Variants in MMEL1 observed in about 807,000 individuals in gnomAD.
The protein encoded by MMEL1 is membrane metallo-endopeptidase-like 1.
Under a neutral mutation model 117.1 loss-of-function variants are expected in MMEL1, and 98 were observed. The ratio of observed to expected loss-of-function variants is 0.84; its 90% CI spans 0.71 to 0.99. The LOEUF (loss-of-function observed/expected upper bound fraction) is 0.99. Ranked by LOEUF, MMEL1 falls within the 50% of genes least tolerant of loss-of-function variation. The pLI is 0.00. For missense variants in MMEL1, 1,014 were observed against 1,049.1 expected, an observed-to-expected ratio of 0.97 and a Z score of 0.46; for synonymous variants, 390 against 415.1, an observed-to-expected ratio of 0.94 and a Z score of 0.74.
chr1:2,594,429 G>A lies in MMEL1; in HGVS notation c.1703C>T (p.Ala568Val), dbSNP rs973691738. The change falls in exon 18 of 24, where the codon GCG (alanine) becomes GTG (valine). Residue 568 changes from alanine to valine, a missense_variant. Transcript: ENST00000378412. ...KVDPNLWIIG[A>V]AVVNAFYSPN... ...GGAGTAGAACGCATTGACCACCGCC[G>A]CCCCGATGATCCAGCTGTGATAGAC... 46 of 1,551,476 alleles carry A rather than the reference G, an allele frequency of 3.0e-5. No individual in the cohort carries two copies. The highest frequency in any genetic ancestry group is 1.7e-4 in the Middle Eastern group (1 of 5,950).
rs570247438 is a variant in MMEL1, at chr1:2,617,405, C to A, written c.155-5201G>T. Among the ~76,000 whole-genome samples, 8 of 122,796 alleles carry A rather than the reference C, an allele frequency of 6.5e-5. No homozygotes were observed. The East Asian group carries it at 2.0e-3, about 31-fold the overall frequency. The allele number at this position is 122,796 out of a possible 152,430, so 80.6% of individuals were successfully genotyped here. ...TCGCGCCACTGCACTCCAGCCTGGG[C>A]GACAGAGAGAGACTCCGTCTCAAAA... On this transcript the variant is annotated intron_variant, in intron 2 of 23. Transcript: ENST00000378412.
chr1:2,632,771 G>T, intron 1 of MMEL1, 95 bp downstream of exon 1: 1 of 784,440 alleles, frequency 1.3e-6, no homozygotes, highest in Non-Finnish European at 1.5e-6. Context: ...AAGGGGCTGA[G>T]CGCCTGGAGA....
intron 11 of MMEL1, among the ~76,000 whole-genome samples, chr1:2,601,910 T>C (rs995645537): frequency 7.9e-5 from 12 of 152,212 alleles, no homozygotes; most frequent in African/African-American, 2.4e-4. Flanking sequence ...GGCGAGGGTG[T>C]GGCACCAGCC....
chr1:2,611,370 G>A, intron 3 of MMEL1, 30 bp from the exon 4 acceptor site: 4 of 1,479,022 alleles, frequency 2.7e-6, no homozygotes, highest in Non-Finnish European at 2.7e-6. Context: ...TGAGCACCGG[G>A]AGCCACGGAG....
chr1:2,598,378 T>C (rs892648602), intron 12 of MMEL1, 78 bp from the exon 13 acceptor site: 6 of 1,424,594 alleles, frequency 4.2e-6, no homozygotes, highest in Non-Finnish European at 5.9e-6. Flanking sequence ...TTAGGGCCCT[T>C]GGCCAGCACG....
At chr1:2,632,599 G>T in intron 1 of MMEL1, 1 of 185,160 alleles carries the variant, frequency 5.4e-6, no homozygotes, top group Non-Finnish European at 1.2e-5. Flanking sequence ...GTCTGCTGAG[G>T]CGAAGGCACT....
rs1199613267 is a variant in MMEL1, at chr1:2,593,747, G to A, written c.1867+67C>T. 4 of 1,508,450 alleles carry A rather than the reference G, an allele frequency of 2.7e-6. No homozygotes were observed. In the East Asian group the frequency reaches 9.7e-5, roughly 37 times the overall value. 93.4% of individuals were successfully genotyped at this position (1,508,450 alleles called of 1,614,324 possible). A position where few individuals can be genotyped will look rare whatever the true frequency, so the allele number is the denominator to read the frequency against. On this transcript the variant is annotated intron_variant, in intron 19 of 23. Coordinates refer to ENST00000378412, the MANE Select transcript of MMEL1 (RefSeq NM_033467.4). ...GAAGGGGTTGAATGGAGCGCCCCCA[G>A]GCCCCTTCCTGGCTGCTTCTCCGCG...
At position 2,594,819 on chromosome 1, in the gene MMEL1, C is replaced by T. The variant is rs1644806032; in HGVS notation, c.1659G>A (p.Arg553=). The T allele has an allele frequency of 1.2e-6, 2 of 1,613,834 alleles. No individual in the cohort carries two copies. Among genetic ancestry groups the T allele is most frequent in the Non-Finnish European group, 8.5e-7 (1 of 1,180,016 alleles). Residue 553 remains arginine (R), a synonymous_variant, in exon 17 of 24, where the codon AGG becomes AGA. Coordinates refer to ENST00000378412, the MANE Select transcript of MMEL1 (RefSeq NM_033467.4). ...NLKVGAQRSL[R]KLREKVDPNL... The stretch of plus-strand genomic sequence containing the variant: ...TTGGGTCCACCTTTTCCCGAAGCTT[C>T]CTGAGGCTCCGCTGGGCGCCCACCT...
intron 21 of MMEL1, 31 bp downstream of exon 21, chr1:2,592,604 TGACGCCCCCTCCCCTGCCGC>T: frequency 3.4e-6 from 1 of 295,632 alleles, no homozygotes; most frequent in Non-Finnish European, 4.1e-6. Flanking sequence ...CCTGCCGCGC[TGACGCCCCCTCCCCTGCCGC>T]GCTGACGCCC....
At chr1:2,596,834 A>C in intron 13 of MMEL1, 145 bp from the exon 14 acceptor site, 7 of 876,970 alleles carry the variant, frequency 8.0e-6, no homozygotes, top group African/African-American at 5.1e-5. Flanking sequence ...GGATGATCTC[A>C]GCCTCACCTC....
rs377304137 is a variant in MMEL1 at position 2,606,233 on chromosome 1, C to T, written c.750+15G>A. 7.3e-5 allele frequency: 117 copies of T among 1,607,042 alleles called. No individual in the cohort carries two copies. Among genetic ancestry groups the T allele is most frequent in the East Asian group, 1.1e-4 (5 of 44,848 alleles). On this transcript the variant is annotated intron_variant, in intron 8 of 23. Transcript: ENST00000378412. ...GGGGACCCTGCCTACCCCTGCCCAC[C>T]GGCGCGGCTCGTACGTAGATGATGT...
rs370913551 is a variant in MMEL1, at chr1:2,598,676, T to C, written c.1156A>G (p.Ile386Val). 19 of 1,614,024 alleles carry C rather than the reference T, an allele frequency of 1.2e-5. No individual in the cohort carries two copies. The highest frequency in any genetic ancestry group is 1.5e-5 in the Non-Finnish European group (18 of 1,180,024). ...CACCTGGCTGAGTAGGTGTCGATGA[T>C]GTTTTCAAGGTTCTGCAGGTAGGGG... ...GIPYLQNLENIIDTYSARTIQ... is the reference protein window; with the variant it reads ...GIPYLQNLENVIDTYSARTIQ... Residue 386 changes from isoleucine (I) to valine (V), a missense_variant, in exon 12 of 24, where the codon ATC becomes GTC. Coordinates refer to ENST00000378412, the MANE Select transcript of MMEL1 (RefSeq NM_033467.4).
In MMEL1 at chr1:2,593,910, G is replaced by C. The variant is rs776013609; in HGVS notation, c.1771C>G (p.Pro591Ala). 7 of 1,610,640 alleles carry C rather than the reference G, an allele frequency of 4.3e-6. No individual in the cohort carries two copies. The highest frequency in any genetic ancestry group is 4.2e-6 in the Non-Finnish European group (5 of 1,178,482). Reference protein sequence around the residue: ...QIVFPAGILQPPFFSKEQPQA... With the variant: ...QIVFPAGILQAPFFSKEQPQA... ...GGCTGCTCCTTGCTGAAGAAGGGGG[G>C]CTGGAGGATCCCGGCAGGGAATACT... Residue 591 changes from proline (P) to alanine (A), a missense_variant, in exon 19 of 24, where the codon CCC (proline) becomes GCC (alanine). Coordinates refer to ENST00000378412, the MANE Select transcript of MMEL1 (RefSeq NM_033467.4).
intron 6 of MMEL1, among the ~76,000 whole-genome samples, 200 bp downstream of exon 6, chr1:2,609,139 G>A (rs1277187128): frequency 1.3e-5 from 2 of 151,998 alleles, no homozygotes; most frequent in African/African-American, 4.8e-5. Context: ...GAGTGAGGCC[G>A]CAGGGCAGCT....
chr1:2,626,112 G>C (rs753882029), intron 2 of MMEL1, among the ~76,000 whole-genome samples: 7 of 152,202 alleles, frequency 4.6e-5, no homozygotes, highest in Non-Finnish European at 1.0e-4. Flanking sequence ...TGTGCACTTT[G>C]CTTGGAAGGA....
At chr1:2,613,775 C>T (rs781560419) in intron 2 of MMEL1, among the ~76,000 whole-genome samples, 16 of 151,934 alleles carry the variant, frequency 1.1e-4, no homozygotes, top group Non-Finnish European at 1.2e-4. Flanking sequence ...TGCTTGAGCC[C>T]GGGAGGTTGA....
rs754471076 is a variant in MMEL1, at chr1:2,609,455, C to T, written c.455-36G>A. ...AGGAAAAGGTTGGACAGAGGCCTGACGAGGCTGCAGGGGCCAGGTCACAGG... is the reference window on the plus strand; with the variant it reads ...AGGAAAAGGTTGGACAGAGGCCTGATGAGGCTGCAGGGGCCAGGTCACAGG... On this transcript the variant is annotated intron_variant, in intron 5 of 23. Transcript: ENST00000378412. 44 of 1,593,276 alleles carry T rather than the reference C, an allele frequency of 2.8e-5. 1 individual carries two copies. The Admixed American group carries it at 2.8e-4, about 10-fold the overall frequency.
Position 2,606,278 on chromosome 1 carries a change from G to T in MMEL1, c.720C>A (p.Asp240Glu), listed in dbSNP as rs766155638. The change falls in exon 8 of 24, where the codon GAC (aspartate) becomes GAA (glutamate). Residue 240 changes from aspartate to glutamate, a missense_variant. Transcript: ENST00000378412. ...RVLIDLFIWNDDQNSSRHIIY... is the reference protein window; with the variant it reads ...RVLIDLFIWNEDQNSSRHIIY... ...TGATGTGCCGGCTGGAGTTCTGGTCGTCGTTCCAGATGAAGAGGTCGATGA... is the reference window on the plus strand; with the variant it reads ...TGATGTGCCGGCTGGAGTTCTGGTCTTCGTTCCAGATGAAGAGGTCGATGA... 1 of 1,613,224 alleles carries T rather than the reference G, an allele frequency of 6.2e-7. No individual in the cohort carries two copies. Among genetic ancestry groups the T allele is most frequent in the Admixed American group, 1.7e-5 (1 of 60,026 alleles).
At position 2,612,310 on chromosome 1, in the gene MMEL1, T is replaced by A. The variant is rs946008224; in HGVS notation, c.155-106A>T. Reference sequence around the variant, plus strand: ...GCCATCTTCCCACAGTGCTGGGTGCTGCAGCCCTACCCCTGTAGTGAGGGC... The same window carrying A: ...GCCATCTTCCCACAGTGCTGGGTGCAGCAGCCCTACCCCTGTAGTGAGGGC... On this transcript the variant is annotated intron_variant, in intron 2 of 23. Transcript: ENST00000378412. The surrounding 1 kb of genome is among the most constrained non-coding windows in gnomAD (Gnocchi z 5.4). 4 of 922,080 alleles carry A rather than the reference T, an allele frequency of 4.3e-6. No individual in the cohort carries two copies. 57.1% of individuals were successfully genotyped at this position (922,080 alleles called of 1,614,324 possible). A position where few individuals can be genotyped will look rare whatever the true frequency, so the allele number is the denominator to read the frequency against.
Sources: allele counts gnomAD v4.1 joint callset (sites outside exome capture counted in the v4.1 genomes callset), GRCh38; gene constraint gnomAD v4.1.1; non-coding constraint Gnocchi (gnomAD v3.1); transcripts MANE v1.5; gene names NCBI Gene and HGNC (gene_info 2026-07-23, HGNC 2026-07-21).